The following CHUK variants were observed in gnomAD, a reference collection of about 807,000 sequenced individuals.
CHUK encodes the protein inhibitor of nuclear factor kappa-B kinase subunit alpha.
Under a neutral mutation model 104.8 loss-of-function variants are expected in CHUK, and 35 were observed. The observed-to-expected ratio is 0.33, with a 90% CI of 0.26 to 0.44. The LOEUF (loss-of-function observed/expected upper bound fraction) is 0.44, where lower values mean the gene tolerates loss of function less well. Ranked by LOEUF, CHUK falls within the 20% of genes least tolerant of loss-of-function variation. CHUK has a pLI of 1.00. For synonymous variants in CHUK, 276 were observed against 291.9 expected, an observed-to-expected ratio of 0.95 and a Z score of 0.56; for missense variants, 663 against 902.7, an observed-to-expected ratio of 0.73 and a Z score of 3.40.
chr10:100,209,619 G>C lies in CHUK; in HGVS notation c.1104C>G (p.Ala368=). 1 of 1,607,726 alleles carries C rather than the reference G, an allele frequency of 6.2e-7. No homozygotes were observed. The highest frequency in any genetic ancestry group is 8.5e-7 in the Non-Finnish European group (1 of 1,174,258). ...CAACTCCATCTAGAACACATTGAGA[G>C]GCTGGTTTCCGAGGATCCAGAGAAA... ...TGISLDPRKP[A]SQCVLDGVRG... Residue 368 remains alanine (A), a synonymous_variant, in exon 10 of 21, where the codon GCC becomes GCG. Coordinates refer to ENST00000370397, the MANE Select transcript of CHUK (RefSeq NM_001278.5).
Position 100,189,360 on chromosome 10 carries a change from T to C in CHUK, c.*238A>G, listed in dbSNP as rs1036004640. ...TAAATAGCTGTGGTATTAAAACAAA[T>C]ATTCAAACAAGTACATTGACTTTTT... On this transcript the variant is annotated 3_prime_UTR_variant, in exon 21 of 21. Transcript: ENST00000370397. 3.0e-5 allele frequency: 15 copies of C among 501,842 alleles called. No individual in the cohort carries two copies. The South Asian group carries it at 4.6e-4, about 15-fold the overall frequency. 31.1% of individuals were successfully genotyped at this position (501,842 alleles called of 1,614,324 possible).
At chr10:100,213,503 AT>A (rs1175566389) in intron 9 of CHUK, among the ~76,000 whole-genome samples, 2 of 151,268 alleles carry the variant, frequency 1.3e-5, no homozygotes, top group Non-Finnish European at 2.9e-5. Context: ...AAAAAAAAAA[AT>A]TAAAAGCGTA....
intron 10 of CHUK, among the ~76,000 whole-genome samples, chr10:100,207,873 C>G (rs1845626015): frequency 6.6e-6 from 1 of 152,004 alleles, no homozygotes; most frequent in Non-Finnish European, 1.5e-5. Context: ...AAAAAAATCA[C>G]TGTAATTGAG....
At position 100,220,503 on chromosome 10, in the gene CHUK, A is replaced by G. The variant is rs1692099667; in HGVS notation, c.474+85T>C. 3 of 939,470 alleles carry G rather than the reference A, an allele frequency of 3.2e-6. No homozygotes were observed. The Admixed American group carries it at 5.1e-5, about 16-fold the overall frequency. The allele number at this position is 939,470 out of a possible 1,614,324, so 58.2% of individuals were successfully genotyped here. A position where few individuals can be genotyped will look rare whatever the true frequency, so the allele number is the denominator to read the frequency against. ...AAAAGTAAGACTGTTATGGGCATAC[A>G]GCAAAGACACCAAAGCTCAAGGACT... is the stretch of plus-strand genomic sequence containing the variant. On this transcript the variant is annotated intron_variant, in intron 5 of 20. Transcript: ENST00000370397.
At chr10:100,217,947 T>G in intron 9 of CHUK, 48 bp downstream of exon 9, 2 of 1,556,182 alleles carry the variant, frequency 1.3e-6, no homozygotes, top group Non-Finnish European at 8.9e-7. Context: ...CCAAATAAAC[T>G]TGTTACTTTC....
chr10:100,224,002 C>T (rs1846046945), intron 2 of CHUK, among the ~76,000 whole-genome samples: 1 of 152,148 alleles, frequency 6.6e-6, no homozygotes, highest in Non-Finnish European at 1.5e-5. Context: ...CTGTAACAAA[C>T]AGAATGTGGT....
chr10:100,200,384 G>T (rs1845433245), intron 15 of CHUK, among the ~76,000 whole-genome samples: 1 of 151,998 alleles, frequency 6.6e-6, no homozygotes, highest in African/African-American at 2.4e-5. Flanking sequence ...TTGGACCAGA[G>T]GTATAATGAG....
chr10:100,199,004 G>A (rs1313691267), intron 16 of CHUK, among the ~76,000 whole-genome samples: 2 of 152,124 alleles, frequency 1.3e-5, no homozygotes, highest in East Asian at 1.9e-4. Flanking sequence ...TACTCACTGA[G>A]TAGGAAAGCT....
chr10:100,192,865 G>T, intron 19 of CHUK: 2 of 421,888 alleles, frequency 4.7e-6, no homozygotes, highest in Non-Finnish European at 3.2e-6. Flanking sequence ...TATTAGAAGG[G>T]TAATCAAGGA....
chr10:100,200,558 G>A, intron 15 of CHUK, 113 bp downstream of exon 15: 1 of 702,054 alleles, frequency 1.4e-6, no homozygotes, highest in South Asian at 1.5e-5. Flanking sequence ...CAATATATTT[G>A]GGGAAAGGAA....
Position 100,194,352 on chromosome 10 carries a change from G to A in CHUK, c.1826+73C>T, listed in dbSNP as rs1038106474. ...TGGGTAAGTATACTTTACCAAAGAG[G>A]GCTTTTGTACTTTGAGAGGAACAAG... On this transcript the variant is annotated intron_variant, in intron 17 of 20. Transcript: ENST00000370397. 1.2e-5 allele frequency: 15 copies of A among 1,220,120 alleles called. No homozygotes were observed. In the East Asian group the frequency reaches 1.4e-4, roughly 11 times the overall value. The allele number at this position is 1,220,120 out of a possible 1,614,324, so 75.6% of individuals were successfully genotyped here.
At chr10:100,210,091 A>ATTTATTTTTT (rs58570772) in intron 9 of CHUK, among the ~76,000 whole-genome samples, 2 of 121,802 alleles carry the variant, frequency 1.6e-5, no homozygotes, top group African/African-American at 6.0e-5. Context: ...TTATTTATTT[A>ATTTATTTTTT]TTTTTTTTTT....
chr10:100,194,518 T>A lies in CHUK; in HGVS notation c.1733A>T (p.His578Leu). 3 of 1,606,774 alleles carry A rather than the reference T, an allele frequency of 1.9e-6. No homozygotes were observed. The highest frequency in any genetic ancestry group is 2.6e-6 in the Non-Finnish European group (3 of 1,173,664). Reference protein sequence around the residue: ...YKQLKHRPSDHSYSDSTEMVK... With the variant: ...YKQLKHRPSDLSYSDSTEMVK... ...CATCTCTGTGCTGTCACTGTAGGAG[T>A]GATCTATAAAAGACATCAGTCAGTG... The change falls in exon 17 of 21, where the codon CAC (histidine) becomes CTC (leucine). Residue 578 changes from histidine (H) to leucine (L), a missense_variant. This residue lies in a region of CHUK where 311 missense variants were observed against 393.4 expected (regional missense o/e 0.79). Coordinates refer to ENST00000370397, the MANE Select transcript of CHUK (RefSeq NM_001278.5).
chr10:100,191,084 C>T, intron 19 of CHUK, 116 bp from the exon 20 acceptor site: 1 of 749,000 alleles, frequency 1.3e-6, no homozygotes. Context: ...CCCAGTACCC[C>T]AGTGCAGTTG....
chr10:100,192,806 A>G, intron 19 of CHUK: 1 of 859,256 alleles, frequency 1.2e-6, no homozygotes, highest in Non-Finnish European at 1.4e-6. Flanking sequence ...AAACACTGAA[A>G]AAAGTCTAAT....
At chr10:100,217,877 AAAAT>A (rs1328319051) in intron 9 of CHUK, 114 bp downstream of exon 9, 610 of 1,130,622 alleles carry the variant, frequency 5.4e-4, no homozygotes, top group Non-Finnish European at 6.3e-4. Context: ...ACCCTGTCTC[AAAAT>A]AAATAAATAA....
intron 8 of CHUK, 123 bp downstream of exon 8, chr10:100,218,595 A>G: frequency 2.7e-6 from 2 of 733,190 alleles, no homozygotes; most frequent in Non-Finnish European, 4.9e-6. Context: ...GAAATATAGA[A>G]GGTTTCTACA....
downstream of CHUK, chr10:100,186,384 C>G (rs1323342448): frequency 8.6e-6 from 2 of 232,064 alleles, no homozygotes; most frequent in Non-Finnish European, 1.7e-5. Context: ...GTGGCACGCA[C>G]TTGCTTCCGG....
At chr10:100,223,074 G>C (rs1846026933) in intron 2 of CHUK, 94 bp from the exon 3 acceptor site, 2 of 683,470 alleles carry the variant, frequency 2.9e-6, no homozygotes, top group Admixed American at 2.1e-5. Context: ...TGGATGAACA[G>C]AGGGGGAAAG....
Sources: allele counts gnomAD v4.1 joint callset (sites outside exome capture counted in the v4.1 genomes callset), GRCh38; gene constraint gnomAD v4.1.1; regional missense constraint gnomAD v4.1.1; transcripts MANE v1.5; gene names NCBI Gene and HGNC (gene_info 2026-07-23, HGNC 2026-07-21).